Variants in THSD7B observed in about 807,000 individuals in gnomAD.
The protein encoded by THSD7B is thrombospondin type 1 domain containing 7B.
THSD7B carries 138 observed loss-of-function variants against 213.6 expected under a neutral mutation model. That is an observed-to-expected ratio of 0.65 (90% CI 0.56 to 0.74). THSD7B has a LOEUF of 0.74. Ranked by LOEUF, THSD7B falls within the 30% of genes least tolerant of loss-of-function variation. The pLI is 0.00. For missense variants in THSD7B, 1,931 were observed against 1,991.5 expected (o/e 0.97, Z 0.58); for synonymous variants, 742 against 687.0 (o/e 1.08, Z -1.25).
At chr2:137,111,117 C>T (rs1471751441) in intron 4 of THSD7B, among the ~76,000 whole-genome samples, 5 of 152,186 alleles carry the variant, frequency 3.3e-5, no homozygotes, top group Admixed American at 6.5e-5. Flanking sequence ...AGCTGAAATG[C>T]ATCCCTAGGT....
At chr2:137,160,118 GT>G in intron 5 of THSD7B, 94 bp from the exon 6 acceptor site, 1 of 1,354,784 alleles carries the variant, frequency 7.4e-7, no homozygotes. Flanking sequence ...TAACTATAAT[GT>G]TTTATTTGCA....
intron 12 of THSD7B, among the ~76,000 whole-genome samples, chr2:137,288,244 C>A (rs1180564558): frequency 6.6e-6 from 1 of 152,086 alleles, no homozygotes; most frequent in Non-Finnish European, 1.5e-5. Context: ...ACTTGGAATG[C>A]AAACAAATAC....
intron 1 of THSD7B, among the ~76,000 whole-genome samples, chr2:136,855,310 C>T (rs1683160538): frequency 1.3e-5 from 2 of 152,172 alleles, no homozygotes; most frequent in Admixed American, 6.5e-5. Context: ...TATTCACACA[C>T]CACCCTACTC....
At position 137,142,100 on chromosome 2, in the gene THSD7B, A is replaced by G. The variant is rs113635833; in HGVS notation, c.1370-18113A>G. Among the ~76,000 whole-genome samples, 791 of 152,328 alleles carry G rather than the reference A, an allele frequency of 5.2e-3. 7 individuals carry two copies. The highest frequency in any genetic ancestry group is 7.9e-3 in the Admixed American group (121 of 15,292). The stretch of plus-strand genomic sequence containing the variant: ...TGACTTAAAAGAATAAACTTAAAAG[A>G]AGTGCCTTAGTCTCTTTTGTGCAGC... On this transcript the variant is annotated intron_variant, in intron 5 of 27. Transcript: ENST00000409968.
chr2:136,983,371 G>GACACACA lies in THSD7B; in HGVS notation c.140-73049_140-73048insACACACA, dbSNP rs1398395384. Among the ~76,000 whole-genome samples the GACACACA allele has an allele frequency of 2.3e-4, 33 of 141,104 alleles. 1 individual carries two copies. Among genetic ancestry groups the GACACACA allele is most frequent in the African/African-American group, 7.5e-4 (29 of 38,502 alleles). The allele number at this position is 141,104 out of a possible 152,430, so 92.6% of individuals were successfully genotyped here. On this transcript the variant is annotated intron_variant, in intron 2 of 27. Coordinates refer to ENST00000409968, the MANE Select transcript of THSD7B (RefSeq NM_001316349.2). Reference sequence around the variant, plus strand: ...CACAGACACACAGACACACACACACGCACACACACTCACTCTCTCTCTCTC... The same window carrying GACACACA: ...CACAGACACACAGACACACACACACGACACACACACACACACTCACTCTCTCTCTCTC...
chr2:137,171,027 G>A, intron 7 of THSD7B, 89 bp downstream of exon 7: 1 of 1,342,684 alleles, frequency 7.4e-7, no homozygotes, highest in Non-Finnish European at 1.0e-6. Flanking sequence ...ATTCTCATGA[G>A]GAAGAGAAGC....
Position 137,404,464 on chromosome 2 carries a change from TATATATATATACAC to T in THSD7B, c.2501-1147_2501-1134del, listed in dbSNP as rs1163028429. 2.2e-4 allele frequency among the ~76,000 whole-genome samples: 16 copies of T among 74,358 alleles called. No individual in the cohort carries two copies. In the East Asian group the frequency reaches 3.6e-3, roughly 17 times the overall value. The allele number at this position is 74,358 out of a possible 152,430, so 48.8% of individuals were successfully genotyped here. On this transcript the variant is annotated intron_variant, in intron 12 of 27. Coordinates refer to ENST00000409968, the MANE Select transcript of THSD7B (RefSeq NM_001316349.2). ...ATATATATATATATATATATATATA[TATATATATATACAC>T]ACACACACACACACACACACACACA... is the stretch of plus-strand genomic sequence containing the variant.
intron 20 of THSD7B, among the ~76,000 whole-genome samples, chr2:137,640,314 A>G (rs372512660): frequency 1.3e-5 from 2 of 152,152 alleles, no homozygotes; most frequent in East Asian, 1.9e-4. Context: ...TTCACCTCCC[A>G]TCATGGTTCT....
intron 14 of THSD7B, among the ~76,000 whole-genome samples, chr2:137,420,387 G>A (rs1686899013): frequency 6.6e-6 from 1 of 152,060 alleles, no homozygotes; most frequent in Non-Finnish European, 1.5e-5. Context: ...TTCTGAACTT[G>A]TATTAGAAAT....
At chr2:137,432,284 G>C (rs987345044) in intron 14 of THSD7B, among the ~76,000 whole-genome samples, 1 of 152,140 alleles carries the variant, frequency 6.6e-6, no homozygotes, top group African/African-American at 2.4e-5. Context: ...CCAGCTACTC[G>C]GGAGGCTGAG....
intron 21 of THSD7B, among the ~76,000 whole-genome samples, chr2:137,652,515 C>T (rs1683160289): frequency 6.6e-6 from 1 of 152,054 alleles, no homozygotes; most frequent in Non-Finnish European, 1.5e-5. Flanking sequence ...TCCATTCAGA[C>T]ACTCTATGTC....
Position 137,530,583 on chromosome 2 carries a change from G to A in THSD7B, c.3139-32638G>A, listed in dbSNP as rs186381261. Among the ~76,000 whole-genome samples, 27 of 152,068 alleles carry A rather than the reference G, an allele frequency of 1.8e-4. No homozygotes were observed. The South Asian group carries it at 3.5e-3, about 20-fold the overall frequency. The stretch of plus-strand genomic sequence containing the variant: ...ATGCTGTTTTAGCACAGCCTGTCTC[G>A]TTTAGAGAGACAGGAAGTTGAACTG... On this transcript the variant is annotated intron_variant, in intron 15 of 27. Transcript: ENST00000409968.
At chr2:136,936,272 A>G (rs953300872) in intron 2 of THSD7B, among the ~76,000 whole-genome samples, 1 of 152,096 alleles carries the variant, frequency 6.6e-6, no homozygotes, top group Admixed American at 6.6e-5. Flanking sequence ...AGATTCCTTA[A>G]AGAACTAAAA....
chr2:137,270,894 A>G (rs557570539), intron 10 of THSD7B, among the ~76,000 whole-genome samples: 4 of 152,310 alleles, frequency 2.6e-5, no homozygotes, highest in African/African-American at 9.6e-5. Flanking sequence ...TGACATAAGC[A>G]TAGTATTTAT....
intron 1 of THSD7B, among the ~76,000 whole-genome samples, chr2:136,784,636 TTCTA>T (rs1681806686): frequency 6.6e-6 from 1 of 152,218 alleles, no homozygotes; most frequent in Non-Finnish European, 1.5e-5. Context: ...TTGAATCGTT[TTCTA>T]TCTGATAATA....
intron 5 of THSD7B, among the ~76,000 whole-genome samples, chr2:137,120,253 G>A (rs1550089): frequency 0.72 from 109,165 of 151,986 alleles, 40,114 homozygotes; most frequent in Non-Finnish European, 0.79. Context: ...ATAGGTGTAG[G>A]AGAAAGTCAG....
chr2:137,130,731 G>A (rs1216863092), intron 5 of THSD7B, among the ~76,000 whole-genome samples: 1 of 148,194 alleles, frequency 6.7e-6, no homozygotes, highest in South Asian at 2.2e-4. Context: ...TGGCTGCATA[G>A]TATTCCATGG....
At chr2:137,370,688 T>C (rs962481933) in intron 12 of THSD7B, among the ~76,000 whole-genome samples, 6 of 151,958 alleles carry the variant, frequency 3.9e-5, no homozygotes, top group Non-Finnish European at 7.4e-5. Flanking sequence ...AGGCTGGTCT[T>C]GAACTCCTGA....
intron 12 of THSD7B, among the ~76,000 whole-genome samples, chr2:137,349,847 G>GA (rs1160588614): frequency 6.6e-6 from 1 of 151,728 alleles, no homozygotes; most frequent in Non-Finnish European, 1.5e-5. Context: ...GATTAAGAGG[G>GA]AAAAAATGTT....
Sources: gnomAD v4.1 joint callset for allele counts (sites outside exome capture counted in the v4.1 genomes callset) on GRCh38, gnomAD v4.1.1 for gene constraint, MANE v1.5 for transcripts, NCBI Gene and HGNC (gene_info 2026-07-23, HGNC 2026-07-21) for gene names.